The following TFDP1 variants were observed in gnomAD, a reference collection of about 807,000 sequenced individuals.
The protein encoded by TFDP1 is DRTF1-polypeptide 1.
In TFDP1, 6 loss-of-function variants were observed where a neutral mutation model predicts 48.0. That is an observed-to-expected ratio of 0.13 (90% CI 0.07 to 0.25). The LOEUF is 0.25. Among genes scored for constraint, TFDP1 ranks in the 10% least tolerant of loss-of-function variants. The pLI, the probability that TFDP1 is intolerant of heterozygous loss-of-function variation, is 1.00. For synonymous variants in TFDP1, 201 were observed against 211.6 expected, an observed-to-expected ratio of 0.95 and a Z score of 0.44; for missense variants, 335 against 543.0, an observed-to-expected ratio of 0.62 and a Z score of 3.81.
chr13:113,638,407 G>C (rs2049554464), intron 11 of TFDP1, among the ~76,000 whole-genome samples: 1 of 151,522 alleles, frequency 6.6e-6, no homozygotes. Context: ...GTATTTTTCA[G>C]AACGTCTGCC....
In TFDP1 at chr13:113,640,561, A is replaced by C. The variant is rs924678498; in HGVS notation, c.*294A>C. On this transcript the variant is annotated 3_prime_UTR_variant, in exon 12 of 12. Coordinates refer to ENST00000375370, the MANE Select transcript of TFDP1 (RefSeq NM_007111.5). Reference sequence around the variant, plus strand: ...GCAGAGTTCATTTTTGCCCCTGAAAAGTTTTTGCTGAGTTTGCTGAAGAAA... The same window carrying C: ...GCAGAGTTCATTTTTGCCCCTGAAACGTTTTTGCTGAGTTTGCTGAAGAAA... 4 of 312,634 alleles carry C rather than the reference A, an allele frequency of 1.3e-5. No individual in the cohort carries two copies. The highest frequency in any genetic ancestry group is 9.2e-5 in the African/African-American group (4 of 43,506). The allele number at this position is 312,634 out of a possible 1,614,324, so 19.4% of individuals were successfully genotyped here. A position where few individuals can be genotyped will look rare whatever the true frequency, so the allele number is the denominator to read the frequency against.
chr13:113,597,292 T>C (rs952223055), intron 2 of TFDP1, among the ~76,000 whole-genome samples: 1 of 152,316 alleles, frequency 6.6e-6, no homozygotes, highest in South Asian at 2.1e-4. Context: ...GATAAATAAA[T>C]AGATGAATGG....
intron 2 of TFDP1, among the ~76,000 whole-genome samples, chr13:113,590,826 G>A (rs964693274): frequency 6.6e-6 from 1 of 151,750 alleles, no homozygotes; most frequent in Non-Finnish European, 1.5e-5. Context: ...CTGGCTAAGA[G>A]GGTGAAACCC....
At chr13:113,589,049 C>T (rs1326617387) in intron 2 of TFDP1, among the ~76,000 whole-genome samples, 1 of 149,756 alleles carries the variant, frequency 6.7e-6, no homozygotes, top group African/African-American at 2.5e-5. Flanking sequence ...GAGTGAGTGG[C>T]GGTGCTGGAG....
intron 2 of TFDP1, among the ~76,000 whole-genome samples, chr13:113,610,527 CAT>C (rs1218411751): frequency 6.6e-6 from 1 of 150,970 alleles, no homozygotes; most frequent in East Asian, 2.0e-4. Flanking sequence ...GTTGTGCCAT[CAT>C]ACGTGCCCCT....
chr13:113,637,459 C>G (rs2049521513), intron 10 of TFDP1, among the ~76,000 whole-genome samples: 1 of 152,228 alleles, frequency 6.6e-6, no homozygotes. Context: ...TCCCGTGCTT[C>G]ATGGAGCTGC....
intron 3 of TFDP1, among the ~76,000 whole-genome samples, chr13:113,617,530 A>AGACCCG (rs2048890103): frequency 7.7e-6 from 1 of 129,268 alleles, no homozygotes; most frequent in Non-Finnish European, 1.5e-5. Context: ...CTGCAGAACC[A>AGACCCG]TTCACCTGCA....
At position 113,628,265 on chromosome 13, in the gene TFDP1, G is replaced by A. The variant is rs1313377835; in HGVS notation, c.187-3358G>A. Among the ~76,000 whole-genome samples the A allele has an allele frequency of 3.9e-5, 6 of 152,090 alleles. No homozygotes were observed. The South Asian group carries it at 1.0e-3, about 26-fold the overall frequency. On this transcript the variant is annotated intron_variant, in intron 4 of 11. Transcript: ENST00000375370. ...CCGTGTAGAGACTGTGTCTGAAGCC[G>A]TGTAAAGACTGTGTCTGGAGCCGTG...
intron 2 of TFDP1, among the ~76,000 whole-genome samples, chr13:113,603,263 G>A (rs2048484977): frequency 6.6e-6 from 1 of 152,198 alleles, no homozygotes; most frequent in South Asian, 2.1e-4. Context: ...TCCTCTTCAT[G>A]CCCTCGCACC....
At chr13:113,612,386 C>T (rs1331039821) in intron 3 of TFDP1, among the ~76,000 whole-genome samples, 1 of 152,254 alleles carries the variant, frequency 6.6e-6, no homozygotes, top group East Asian at 1.9e-4. Flanking sequence ...TCTGCTGAAG[C>T]AGGTCCTTCC....
At chr13:113,621,904 G>C (rs151226619) in intron 3 of TFDP1, among the ~76,000 whole-genome samples, 2,213 of 152,280 alleles carry the variant, frequency 0.015, 51 homozygotes, top group African/African-American at 0.051. Flanking sequence ...GTGCTTCAGT[G>C]GTCACGCTCC....
chr13:113,597,502 C>T (rs1029973834), intron 2 of TFDP1, among the ~76,000 whole-genome samples: 3 of 152,304 alleles, frequency 2.0e-5, no homozygotes, highest in Admixed American at 1.3e-4. Context: ...GGGGCCTGAA[C>T]GGCTGGACCT....
intron 1 of TFDP1, chr13:113,585,414 G>A (rs1417639682): frequency 6.4e-6 from 1 of 155,266 alleles, no homozygotes; most frequent in African/African-American, 2.4e-5. Flanking sequence ...CCGGGACCCC[G>A]GGGCTGTGCC....
rs2049625208 is a variant in TFDP1, at chr13:113,640,892, T to A, written c.*625T>A. ...GTTTGTACACTCTTTTCTCTCCCTGTTTTGCAGCAACAAATTGCGAAGTGC... is the reference window on the plus strand; with the variant it reads ...GTTTGTACACTCTTTTCTCTCCCTGATTTGCAGCAACAAATTGCGAAGTGC... On this transcript the variant is annotated 3_prime_UTR_variant, in exon 12 of 12. Transcript: ENST00000375370. 6.5e-6 allele frequency: 1 copy of A among 152,928 alleles called. No homozygotes were observed. The highest frequency in any genetic ancestry group is 2.4e-5 in the African/African-American group (1 of 41,460). 9.5% of individuals were successfully genotyped at this position (152,928 alleles called of 1,614,324 possible). A position where few individuals can be genotyped will look rare whatever the true frequency, so the allele number is the denominator to read the frequency against.
chr13:113,604,565 C>T (rs2048517779), intron 2 of TFDP1, among the ~76,000 whole-genome samples: 1 of 152,180 alleles, frequency 6.6e-6, no homozygotes, highest in South Asian at 2.1e-4. Flanking sequence ...GGACTTGTGC[C>T]GAGGCCACTT....
chr13:113,590,299 T>C (rs1250131729), intron 2 of TFDP1, among the ~76,000 whole-genome samples: 1 of 152,196 alleles, frequency 6.6e-6, no homozygotes, highest in African/African-American at 2.4e-5. Flanking sequence ...GAGAACTGTG[T>C]GCGTCCCACC....
intron 8 of TFDP1, 72 bp downstream of exon 8, chr13:113,634,674 C>A: frequency 1.7e-6 from 2 of 1,179,662 alleles, no homozygotes; most frequent in South Asian, 1.4e-5. Context: ...CGGCAACATA[C>A]TGCCTTGGGT....
At chr13:113,632,918 C>A (rs765311116) in intron 5 of TFDP1, among the ~76,000 whole-genome samples, 1 of 152,250 alleles carries the variant, frequency 6.6e-6, no homozygotes, top group Non-Finnish European at 1.5e-5. Context: ...GGGAGACACT[C>A]GCTTTCTGAC....
intron 2 of TFDP1, among the ~76,000 whole-genome samples, chr13:113,602,865 A>G (rs2140347658): frequency 6.6e-6 from 1 of 152,138 alleles, no homozygotes; most frequent in East Asian, 1.9e-4. Context: ...CCTGCTTCAC[A>G]GAGTTGATGC....
Sources: allele counts gnomAD v4.1 joint callset (sites outside exome capture counted in the v4.1 genomes callset), GRCh38; gene constraint gnomAD v4.1.1; transcripts MANE v1.5; gene names NCBI Gene and HGNC (gene_info 2026-07-23, HGNC 2026-07-21).